AOPEP: variants seen among roughly 807,000 people sequenced by gnomAD.
AOPEP encodes the protein aminopeptidase O.
Under a neutral mutation model 98.1 loss-of-function variants are expected in AOPEP, and 77 were observed. The ratio of observed to expected loss-of-function variants is 0.78; its 90% CI spans 0.65 to 0.95. AOPEP has a LOEUF of 0.95. Ranked by LOEUF, AOPEP falls within the 40% of genes least tolerant of loss-of-function variation. The pLI, the probability that AOPEP is intolerant of heterozygous loss-of-function variation, is 0.00. For missense variants in AOPEP, 1,024 were observed against 1,024.7 expected, an observed-to-expected ratio of 1.00 and a Z score of 0.01; for synonymous variants, 346 against 365.3, an observed-to-expected ratio of 0.95 and a Z score of 0.60.
chr9:95,069,510 T>G lies in AOPEP; in HGVS notation c.2232+8700T>G, dbSNP rs534729443. On this transcript the variant is annotated intron_variant, in intron 14 of 16. Transcript: ENST00000375315. ...GAAGGAAGGCAAACTGTGCCATATT[T>G]CAAAGTGAACCCCACATGGGCTCCC... Among the ~76,000 whole-genome samples, 28 of 148,134 alleles carry G rather than the reference T, an allele frequency of 1.9e-4. No homozygotes were observed. In the South Asian group the frequency reaches 5.8e-3, roughly 31 times the overall value.
chr9:94,746,292 A>G lies in AOPEP; in HGVS notation c.-135-13357A>G, dbSNP rs367866035. Among the ~76,000 whole-genome samples, 59 of 152,294 alleles carry G rather than the reference A, an allele frequency of 3.9e-4. No individual in the cohort carries two copies. The South Asian group carries it at 0.011, about 27-fold the overall frequency. ...GATTGCTGTGCAATAGAGGCCATGG[A>G]TATCTCGGTTAAGAACACTCTGGAG... On this transcript the variant is annotated intron_variant, in intron 1 of 16. Coordinates refer to ENST00000375315, the MANE Select transcript of AOPEP (RefSeq NM_001193329.3).
intron 13 of AOPEP, among the ~76,000 whole-genome samples, chr9:95,039,003 C>T (rs2065065213): frequency 6.6e-6 from 1 of 152,140 alleles, no homozygotes; most frequent in African/African-American, 2.4e-5. Context: ...ATACCAAGCA[C>T]TGTTTAGATT....
chr9:94,827,741 GATAA>G (rs1186592709), intron 5 of AOPEP, among the ~76,000 whole-genome samples: 2 of 152,058 alleles, frequency 1.3e-5, no homozygotes, highest in South Asian at 2.1e-4. Context: ...AGCAAATAGA[GATAA>G]ATAGTTATCC....
At chr9:94,808,500 G>T (rs944121979) in intron 5 of AOPEP, among the ~76,000 whole-genome samples, 2 of 152,226 alleles carry the variant, frequency 1.3e-5, no homozygotes, top group East Asian at 1.9e-4. Flanking sequence ...TAACCCCAGA[G>T]TGGAGCTCAG....
chr9:95,035,572 G>A (rs2064741101), intron 13 of AOPEP, among the ~76,000 whole-genome samples: 1 of 138,202 alleles, frequency 7.2e-6, no homozygotes, highest in Admixed American at 7.7e-5. Flanking sequence ...AGGCTGGAGT[G>A]CAGTGGCGCG....
At position 94,800,816 on chromosome 9, in the gene AOPEP, C is replaced by G; in HGVS notation, c.1178C>G (p.Thr393Ser). Residue 393 changes from threonine (T) to serine (S), a missense_variant, in exon 5 of 17, where the codon ACC (threonine) becomes AGC (serine). Thr to Ser is a moderately conservative substitution (Grantham distance 58). Around this residue, in one of 3 missense-constraint regions of AOPEP, gnomAD observed 566 missense variants for 551.7 expected, o/e 1.03. Transcript: ENST00000375315. ...TGCCGCTTCCAGAATGCTTCTGCCA[C>G]CACCCAGGAGATCATTCCTCATCGG... ...YPCRFQNASA[T>S]TQEIIPHRVF... 1 of 1,614,182 alleles carries G rather than the reference C, an allele frequency of 6.2e-7. No individual in the cohort carries two copies. The highest frequency in any genetic ancestry group is 8.5e-7 in the Non-Finnish European group (1 of 1,180,016).
chr9:94,824,318 C>T (rs921959324), intron 5 of AOPEP: 1 of 152,200 alleles, frequency 6.6e-6, no homozygotes, highest in African/African-American at 2.4e-5. Flanking sequence ...TTTGGATACT[C>T]TAAGATGTCA....
intron 14 of AOPEP, among the ~76,000 whole-genome samples, chr9:95,078,132 T>C (rs2069291340): frequency 6.6e-6 from 1 of 152,122 alleles, no homozygotes; most frequent in Non-Finnish European, 1.5e-5. Flanking sequence ...CTGGGTCTCT[T>C]ATTAATCTTG....
intron 13 of AOPEP, among the ~76,000 whole-genome samples, chr9:95,015,451 T>C (rs1345070903): frequency 1.3e-5 from 2 of 152,254 alleles, no homozygotes; most frequent in Non-Finnish European, 2.9e-5. Context: ...ATTCTATATT[T>C]ATTCAAACAA....
chr9:95,089,355 C>A (rs2070834499), downstream of AOPEP, among the ~76,000 whole-genome samples: 1 of 152,236 alleles, frequency 6.6e-6, no homozygotes, highest in Non-Finnish European at 1.5e-5. Context: ...CCAGCCATAG[C>A]ACCTTCGGAG....
intron 16 of AOPEP, among the ~76,000 whole-genome samples, chr9:95,084,923 G>A (rs2070420989): frequency 6.6e-6 from 1 of 152,238 alleles, no homozygotes; most frequent in African/African-American, 2.4e-5. Flanking sequence ...TGTCCCCAAG[G>A]GTTAGAGGCA....
chr9:95,138,688 C>T, the AOPEP span, among the ~76,000 whole-genome samples: 572 of 152,302 alleles, frequency 3.8e-3, 2 homozygotes, highest in African/African-American at 0.013. Flanking sequence ...AGCCATGGCA[C>T]GGTGTTTGTC....
chr9:94,887,165 A>ACC (rs34250058), intron 5 of AOPEP, among the ~76,000 whole-genome samples: 1 of 147,340 alleles, frequency 6.8e-6, no homozygotes, highest in East Asian at 2.0e-4. Context: ...ACAAAGTGAG[A>ACC]CCCCCCCCGT....
intron 3 of AOPEP, among the ~76,000 whole-genome samples, chr9:94,785,869 G>A (rs895077471): frequency 3.9e-5 from 6 of 152,224 alleles, no homozygotes; most frequent in African/African-American, 1.2e-4. Flanking sequence ...CATTTAAATA[G>A]TCTCCAAATG....
chr9:95,018,329 G>A (rs867257448), intron 13 of AOPEP, among the ~76,000 whole-genome samples: 4 of 152,156 alleles, frequency 2.6e-5, no homozygotes, highest in East Asian at 1.9e-4. Context: ...TAGCCACTCC[G>A]GTGGGTGTTC....
chr9:94,888,579 C>G (rs1045123028), intron 5 of AOPEP, among the ~76,000 whole-genome samples: 21 of 152,214 alleles, frequency 1.4e-4, no homozygotes, highest in Non-Finnish European at 2.6e-4. Context: ...ACCTGGAGTT[C>G]TTTGTCTCAC....
At chr9:95,057,907 G>C (rs2066969482) in intron 13 of AOPEP, among the ~76,000 whole-genome samples, 1 of 152,150 alleles carries the variant, frequency 6.6e-6, no homozygotes, top group Non-Finnish European at 1.5e-5. Flanking sequence ...GTTTTAGGGG[G>C]AGCAGATACC....
At chr9:94,890,433 G>C (rs910351815) in intron 5 of AOPEP, among the ~76,000 whole-genome samples, 3 of 152,144 alleles carry the variant, frequency 2.0e-5, no homozygotes, top group African/African-American at 7.2e-5. Context: ...AAAGTGCTGG[G>C]ATTACAGGCA....
intron 1 of AOPEP, among the ~76,000 whole-genome samples, chr9:94,730,406 C>A (rs1830263035): frequency 6.6e-6 from 1 of 151,624 alleles, no homozygotes; most frequent in African/African-American, 2.4e-5. Context: ...GAAAAAACGA[C>A]ATCCAGGCCT....
Sources: allele counts gnomAD v4.1 joint callset (sites outside exome capture counted in the v4.1 genomes callset), GRCh38; gene constraint gnomAD v4.1.1; regional missense constraint gnomAD v4.1.1; transcripts MANE v1.5; gene names NCBI Gene and HGNC (gene_info 2026-07-23, HGNC 2026-07-21).